The following NXPE4 variants were observed in gnomAD, a reference collection of about 807,000 sequenced individuals.
NXPE4 encodes neurexophilin and PC-esterase domain family member 4, also known as NXPE family member 4.
Under a neutral mutation model 33.3 loss-of-function variants are expected in NXPE4, and 42 were observed. The observed-to-expected ratio is 1.26, with a 90% CI of 0.98 to 1.63. The LOEUF (loss-of-function observed/expected upper bound fraction) is 1.63, where lower values mean the gene tolerates loss of function less well. Ranked by LOEUF, NXPE4 falls within the 40% of genes most tolerant of loss-of-function variation. The pLI is 0.00. For missense variants in NXPE4, 709 were observed against 647.6 expected (o/e 1.09, Z -1.03); for synonymous variants, 253 against 234.9 (o/e 1.08, Z -0.71).
chr11:114,629,445 A>G, the NXPE4 span, among the ~76,000 whole-genome samples: 3 of 151,838 alleles, frequency 2.0e-5, no homozygotes, highest in South Asian at 6.3e-4. Flanking sequence ...ATAGATGCAG[A>G]AAAGGCCTTT....
At position 114,595,636 on chromosome 11, in the gene NXPE4, G is replaced by A. The variant is rs1021496314; in HGVS notation, c.-55C>T. ...CAATCCCATACATAGACTCTCTGGC[G>A]AGCTAGGTGTTGAGAATTTCTTCTG... is the stretch of plus-strand genomic sequence containing the variant. On this transcript the variant is annotated 5_prime_UTR_variant, in exon 1 of 6. Transcript: ENST00000375478. The A allele has an allele frequency of 2.8e-4, 43 of 152,178 alleles. No homozygotes were observed. The highest frequency in any genetic ancestry group is 2.3e-3 in the Admixed American group (35 of 15,260). 9.4% of individuals were successfully genotyped at this position (152,178 alleles called of 1,614,324 possible). A position where few individuals can be genotyped will look rare whatever the true frequency, so the allele number is the denominator to read the frequency against.
At chr11:114,632,044 TA>T in the NXPE4 span, among the ~76,000 whole-genome samples, 1 of 144,822 alleles carries the variant, frequency 6.9e-6, no homozygotes, top group African/African-American at 2.5e-5. Context: ...ATATAATATA[TA>T]ATTTAATAAT....
the NXPE4 span, among the ~76,000 whole-genome samples, chr11:114,600,854 AC>A: frequency 6.6e-6 from 1 of 152,072 alleles, no homozygotes; most frequent in African/African-American, 2.4e-5. Context: ...CTATTTTGAA[AC>A]TTTTCTATAA....
chr11:114,637,384 T>G, the NXPE4 span, among the ~76,000 whole-genome samples: 3 of 152,072 alleles, frequency 2.0e-5, no homozygotes, highest in Non-Finnish European at 4.4e-5. Flanking sequence ...GTTTCCTGAA[T>G]ACAGCACACT....
At chr11:114,629,049 G>A in the NXPE4 span, among the ~76,000 whole-genome samples, 2 of 152,132 alleles carry the variant, frequency 1.3e-5, no homozygotes, top group African/African-American at 4.8e-5. Flanking sequence ...CAATGAAAAA[G>A]AGTCCAGGAC....
At chr11:114,669,817 T>C in the NXPE4 span, among the ~76,000 whole-genome samples, 1 of 152,092 alleles carries the variant, frequency 6.6e-6, no homozygotes, top group Admixed American at 6.6e-5. Flanking sequence ...AATGGAGATA[T>C]TGGTTGTAGG....
chr11:114,593,899 T>C (rs1020911817), intron 2 of NXPE4, among the ~76,000 whole-genome samples: 2 of 152,172 alleles, frequency 1.3e-5, no homozygotes, highest in Admixed American at 6.5e-5. Context: ...AAGGTCATTA[T>C]GTTAAGTGAA....
the NXPE4 span, among the ~76,000 whole-genome samples, chr11:114,673,064 C>CTA: frequency 4.7e-5 from 7 of 147,478 alleles, no homozygotes; most frequent in South Asian, 2.1e-4. Flanking sequence ...TAAAACAAGC[C>CTA]TATATATATA....
chr11:114,633,031 A>G, the NXPE4 span, among the ~76,000 whole-genome samples: 8 of 110,670 alleles, frequency 7.2e-5, no homozygotes, highest in South Asian at 1.5e-3. Context: ...ATAATGTAAT[A>G]TTTTATTATA....
chr11:114,607,398 A>T, the NXPE4 span, among the ~76,000 whole-genome samples: 1 of 151,904 alleles, frequency 6.6e-6, no homozygotes, highest in Non-Finnish European at 1.5e-5. Flanking sequence ...CTCTTGGGTA[A>T]CCACTGTTAC....
At chr11:114,591,298 C>T (rs373572546) in intron 2 of NXPE4, among the ~76,000 whole-genome samples, 8 of 152,186 alleles carry the variant, frequency 5.3e-5, no homozygotes, top group East Asian at 3.8e-4. Flanking sequence ...CTTAATTCTC[C>T]ATGCTCATGC....
chr11:114,663,715 T>TATC, the NXPE4 span, among the ~76,000 whole-genome samples: 1 of 146,798 alleles, frequency 6.8e-6, no homozygotes. Flanking sequence ...TCTATCTATC[T>TATC]GATCTACCTA....
At chr11:114,619,209 C>G in the NXPE4 span, among the ~76,000 whole-genome samples, 1 of 151,378 alleles carries the variant, frequency 6.6e-6, no homozygotes, top group East Asian at 2.0e-4. Flanking sequence ...AGTATTGCCT[C>G]TAGGGTAACC....
chr11:114,649,135 T>TC, the NXPE4 span, among the ~76,000 whole-genome samples: 1 of 151,962 alleles, frequency 6.6e-6, no homozygotes, highest in African/African-American at 2.4e-5. Context: ...TGTCATGTTT[T>TC]TTTTTTTTTA....
chr11:114,646,895 A>G, the NXPE4 span, among the ~76,000 whole-genome samples: 43 of 152,332 alleles, frequency 2.8e-4, no homozygotes, highest in African/African-American at 9.9e-4. Context: ...GATAGAAGCA[A>G]GGCAAATGAT....
chr11:114,651,261 G>T, the NXPE4 span, among the ~76,000 whole-genome samples: 1 of 151,948 alleles, frequency 6.6e-6, no homozygotes, highest in East Asian at 1.9e-4. Context: ...TGTGTCCGGA[G>T]TTTCTTCCTT....
chr11:114,601,585 T>TATATATTATAATTATATATA, the NXPE4 span, among the ~76,000 whole-genome samples: 660 of 6,956 alleles, frequency 0.095, 1 homozygote, highest in East Asian at 0.14. Flanking sequence ...AATTATATAT[T>TATATATTATAATTATATATA]ATATATATTA....
the NXPE4 span, among the ~76,000 whole-genome samples, chr11:114,614,598 T>A: frequency 6.6e-6 from 1 of 152,088 alleles, no homozygotes; most frequent in South Asian, 2.1e-4. Context: ...ATAGTAAGCG[T>A]TGCCTCGTGG....
At chr11:114,612,330 G>C in the NXPE4 span, among the ~76,000 whole-genome samples, 2 of 150,986 alleles carry the variant, frequency 1.3e-5, no homozygotes, top group Non-Finnish European at 3.0e-5. Context: ...GTTACCTGGT[G>C]GATAGTAAGT....
Sources: allele counts gnomAD v4.1 joint callset (sites outside exome capture counted in the v4.1 genomes callset), GRCh38; gene constraint gnomAD v4.1.1; transcripts MANE v1.5; gene names NCBI Gene and HGNC (gene_info 2026-07-23, HGNC 2026-07-21).